EPHB1: variants seen among roughly 807,000 people sequenced by gnomAD.
The protein encoded by EPHB1 is EPH receptor B1, also known as ephrin type-B receptor 1.
A neutral mutation model predicts 94.4 loss-of-function variants in EPHB1; 30 were observed. The observed-to-expected ratio is 0.32, with a 90% CI of 0.24 to 0.43. The LOEUF (loss-of-function observed/expected upper bound fraction) is 0.43, where lower values mean the gene tolerates loss of function less well. Among genes scored for constraint, EPHB1 ranks in the 20% least tolerant of loss-of-function variants. EPHB1 has a pLI of 1.00. For missense variants in EPHB1, 1,055 were observed against 1,308.3 expected (o/e 0.81, Z 2.99); for synonymous variants, 522 against 489.1 (o/e 1.07, Z -0.89).
intron 1 of EPHB1, among the ~76,000 whole-genome samples, chr3:134,827,853 A>C (rs948463797): frequency 4.6e-5 from 7 of 152,168 alleles, no homozygotes; most frequent in Non-Finnish European, 8.8e-5. Context: ...CCGACCTGCA[A>C]AGCCTTTCAT....
At chr3:134,975,235 G>A (rs1934138389) in intron 3 of EPHB1, among the ~76,000 whole-genome samples, 1 of 152,144 alleles carries the variant, frequency 6.6e-6, no homozygotes, top group Non-Finnish European at 1.5e-5. Flanking sequence ...AGAGCTCAGG[G>A]ACCTGAGATG....
intron 9 of EPHB1, among the ~76,000 whole-genome samples, chr3:135,175,249 T>C (rs1437297386): frequency 1.3e-5 from 2 of 152,202 alleles, no homozygotes; most frequent in Non-Finnish European, 2.9e-5. Flanking sequence ...GCCTTTTCAC[T>C]TTTGAGAGCA....
chr3:134,879,842 G>T (rs989486120), intron 1 of EPHB1, among the ~76,000 whole-genome samples: 4 of 151,842 alleles, frequency 2.6e-5, no homozygotes, highest in Non-Finnish European at 5.9e-5. Context: ...AGTAGGGGTT[G>T]GTGAAGTCTA....
chr3:135,036,205 G>A (rs1293783487), intron 3 of EPHB1, among the ~76,000 whole-genome samples: 1 of 152,186 alleles, frequency 6.6e-6, no homozygotes, highest in Non-Finnish European at 1.5e-5. Flanking sequence ...GCACAGCAAG[G>A]CCGTTGAGAC....
At chr3:134,999,829 G>A (rs1031619513) in intron 3 of EPHB1, among the ~76,000 whole-genome samples, 1 of 152,198 alleles carries the variant, frequency 6.6e-6, no homozygotes, top group Non-Finnish European at 1.5e-5. Flanking sequence ...TGGCTTTCTG[G>A]GAGGCTAAGG....
At chr3:135,005,729 C>T (rs140083830) in intron 3 of EPHB1, among the ~76,000 whole-genome samples, 257 of 152,232 alleles carry the variant, frequency 1.7e-3, no homozygotes, top group African/African-American at 5.4e-3. Context: ...TTCCAGGTGC[C>T]GTCCATCACC....
chr3:135,004,852 A>G (rs1261818406), intron 3 of EPHB1, among the ~76,000 whole-genome samples: 12 of 150,650 alleles, frequency 8.0e-5, no homozygotes, highest in African/African-American at 1.2e-4. Flanking sequence ...TTCTAGTTAT[A>G]TATTCTTCTA....
intron 3 of EPHB1, among the ~76,000 whole-genome samples, chr3:134,953,828 C>T (rs1016792600): frequency 9.9e-5 from 15 of 152,176 alleles, no homozygotes; most frequent in Admixed American, 5.2e-4. Flanking sequence ...TTCTGCTGTC[C>T]GTGTAGCTTG....
At chr3:135,047,081 T>C (rs1230993118) in intron 3 of EPHB1, among the ~76,000 whole-genome samples, 3 of 152,200 alleles carry the variant, frequency 2.0e-5, no homozygotes, top group African/African-American at 4.8e-5. Flanking sequence ...GCTTATGTTT[T>C]CTTCTCTCCT....
chr3:135,056,388 C>T (rs754344410), intron 3 of EPHB1, among the ~76,000 whole-genome samples: 6 of 152,254 alleles, frequency 3.9e-5, no homozygotes, highest in Admixed American at 1.3e-4. Context: ...AGCAGCCGTG[C>T]TGGGCTCTCT....
rs148959152 is a variant in EPHB1, at chr3:134,938,375, G to A, written c.123+12495G>A. On this transcript the variant is annotated intron_variant, in intron 2 of 15. Transcript: ENST00000398015. ...TAGAAACCTGGGTGTGAAATATGCCGGAGTATAAAGAGGTGTGTGCCCTTC... is the reference window on the plus strand; with the variant it reads ...TAGAAACCTGGGTGTGAAATATGCCAGAGTATAAAGAGGTGTGTGCCCTTC... Among the ~76,000 whole-genome samples the A allele has an allele frequency of 1.4e-3, 216 of 152,284 alleles. 1 individual carries two copies. Among genetic ancestry groups the A allele is most frequent in the Middle Eastern group, 6.8e-3 (2 of 294 alleles).
intron 1 of EPHB1, among the ~76,000 whole-genome samples, chr3:134,878,499 T>G (rs1285555668): frequency 6.6e-6 from 1 of 152,184 alleles, no homozygotes; most frequent in Non-Finnish European, 1.5e-5. Flanking sequence ...GCTCCTCTCC[T>G]AAGGTTGGAT....
chr3:135,235,796 T>C (rs1320164934), intron 12 of EPHB1, among the ~76,000 whole-genome samples: 1 of 152,058 alleles, frequency 6.6e-6, no homozygotes, highest in Non-Finnish European at 1.5e-5. Flanking sequence ...AGGATAGAAT[T>C]CTCCCTCAGG....
intron 4 of EPHB1, among the ~76,000 whole-genome samples, chr3:135,123,183 T>G (rs1940046833): frequency 6.6e-6 from 1 of 152,214 alleles, no homozygotes; most frequent in South Asian, 2.1e-4. Context: ...GTTCCACCAG[T>G]GCATGAGTTG....
At chr3:135,201,769 G>A in intron 12 of EPHB1, 80 bp downstream of exon 12, 1 of 1,375,782 alleles carries the variant, frequency 7.3e-7, no homozygotes, top group Non-Finnish European at 1.0e-6. Flanking sequence ...CTGTGACAGG[G>A]CACACTGGGA....
chr3:134,973,911 A>T (rs1485254662), intron 3 of EPHB1, among the ~76,000 whole-genome samples: 2 of 152,142 alleles, frequency 1.3e-5, no homozygotes, highest in African/African-American at 2.4e-5. Flanking sequence ...AGTATACCTT[A>T]TTCCTTTAGG....
At chr3:134,979,973 G>A (rs1559781090) in intron 3 of EPHB1, among the ~76,000 whole-genome samples, 3 of 152,144 alleles carry the variant, frequency 2.0e-5, no homozygotes, top group Non-Finnish European at 4.4e-5. Context: ...ATCCCACATT[G>A]CACTGCTGGA....
intron 14 of EPHB1, among the ~76,000 whole-genome samples, chr3:135,248,876 G>A (rs1273286140): frequency 6.6e-6 from 1 of 151,988 alleles, no homozygotes; most frequent in African/African-American, 2.4e-5. Context: ...TTGAAAATGT[G>A]CCAGAGAAGG....
intron 3 of EPHB1, among the ~76,000 whole-genome samples, chr3:135,084,971 G>T (rs540838254): frequency 6.6e-6 from 1 of 152,220 alleles, no homozygotes; most frequent in Middle Eastern, 3.4e-3. Context: ...ATGAGTTCTT[G>T]CTGTGGCTCA....
Sources: allele counts gnomAD v4.1 joint callset (sites outside exome capture counted in the v4.1 genomes callset), GRCh38; gene constraint gnomAD v4.1.1; transcripts MANE v1.5; gene names NCBI Gene and HGNC (gene_info 2026-07-23, HGNC 2026-07-21).